FBXL7: variants seen among roughly 807,000 people sequenced by gnomAD.
The protein encoded by FBXL7 is F-box/LRR-repeat protein 7.
A neutral mutation model predicts 38.3 loss-of-function variants in FBXL7; 12 were observed. That is an observed-to-expected ratio of 0.31 (90% CI 0.20 to 0.51). The LOEUF is 0.51. Among genes scored for constraint, FBXL7 ranks in the 20% least tolerant of loss-of-function variants. The pLI, the probability that FBXL7 is intolerant of heterozygous loss-of-function variation, is 0.98. For synonymous variants in FBXL7, 297 were observed against 300.9 expected (o/e 0.99, Z 0.13); for missense variants, 567 against 676.4 (o/e 0.84, Z 1.79).
At chr5:15,627,787 T>TTTGACCTTA (rs1463463369) in intron 2 of FBXL7, among the ~76,000 whole-genome samples, 11 of 152,278 alleles carry the variant, frequency 7.2e-5, no homozygotes, top group Admixed American at 7.2e-4. Flanking sequence ...CCCTTTACAG[T>TTTGACCTTA]CACGGACACA....
At chr5:15,879,299 TCTC>T (rs1426890773) in intron 2 of FBXL7, among the ~76,000 whole-genome samples, 1 of 152,116 alleles carries the variant, frequency 6.6e-6, no homozygotes, top group African/African-American at 2.4e-5. Flanking sequence ...TCAGGTTTAA[TCTC>T]CTTCTTTCTA....
chr5:15,658,156 G>A (rs1270258285), intron 2 of FBXL7, among the ~76,000 whole-genome samples: 2 of 152,184 alleles, frequency 1.3e-5, no homozygotes, highest in African/African-American at 2.4e-5. Flanking sequence ...ACAGTGTCCT[G>A]TGGAACAAGA....
At chr5:15,676,861 G>T (rs1742671457) in intron 2 of FBXL7, among the ~76,000 whole-genome samples, 6 of 152,126 alleles carry the variant, frequency 3.9e-5, no homozygotes, top group Non-Finnish European at 2.9e-5. Context: ...AATCCTGACT[G>T]CAGTGGAAGC....
intron 2 of FBXL7, among the ~76,000 whole-genome samples, chr5:15,686,093 A>C (rs1402550208): frequency 6.6e-6 from 1 of 152,106 alleles, no homozygotes; most frequent in African/African-American, 2.4e-5. Context: ...GGGTCTATGC[A>C]CTTGATGTAC....
intron 2 of FBXL7, among the ~76,000 whole-genome samples, chr5:15,729,997 C>T (rs374278568): frequency 2.6e-5 from 4 of 152,198 alleles, no homozygotes; most frequent in African/African-American, 9.6e-5. Flanking sequence ...GAATAAAAGC[C>T]GAGTTCCCAT....
chr5:15,585,948 T>C (rs868640717), intron 1 of FBXL7, among the ~76,000 whole-genome samples: 1 of 152,158 alleles, frequency 6.6e-6, no homozygotes, highest in African/African-American at 2.4e-5. Flanking sequence ...TTAAAGTAGA[T>C]GATGTAAAAA....
intron 3 of FBXL7, among the ~76,000 whole-genome samples, chr5:15,932,422 G>A (rs1742060846): frequency 6.6e-6 from 1 of 152,154 alleles, no homozygotes; most frequent in South Asian, 2.1e-4. Context: ...AGAGGAAGTG[G>A]TAATAAAGAG....
intron 2 of FBXL7, among the ~76,000 whole-genome samples, chr5:15,905,997 C>T (rs1195251989): frequency 2.0e-5 from 3 of 151,674 alleles, no homozygotes; most frequent in Non-Finnish European, 2.9e-5. Context: ...AAAATATCAA[C>T]GTAAATGATG....
chr5:15,581,043 C>T (rs1471184372), intron 1 of FBXL7, among the ~76,000 whole-genome samples: 1 of 152,158 alleles, frequency 6.6e-6, no homozygotes, highest in Admixed American at 6.5e-5. Flanking sequence ...GCGGAGCCCA[C>T]TTGCTTCCTT....
intron 1 of FBXL7, among the ~76,000 whole-genome samples, chr5:15,525,225 A>G (rs760561596): frequency 2.6e-5 from 4 of 152,210 alleles, no homozygotes; most frequent in Non-Finnish European, 5.9e-5. Flanking sequence ...AGTGTTAACA[A>G]TTCTTTATTT....
At position 15,912,296 on chromosome 5, in the gene FBXL7, G is replaced by A. The variant is rs1240696312; in HGVS notation, c.128-15594G>A. ...GGGAGTGACCCGATTTTCCAGGTGC[G>A]TCCGTCACCCCTTTCTTTGACTCGG... On this transcript the variant is annotated intron_variant, in intron 2 of 3. Transcript: ENST00000504595. Among the ~76,000 whole-genome samples the A allele has an allele frequency of 7.8e-5, 9 of 114,956 alleles. No homozygotes were observed. In the East Asian group the frequency reaches 1.0e-3, roughly 13 times the overall value. 75.4% of individuals were successfully genotyped at this position (114,956 alleles called of 152,430 possible).
intron 2 of FBXL7, among the ~76,000 whole-genome samples, chr5:15,631,815 A>G (rs1389015118): frequency 6.6e-6 from 1 of 152,004 alleles, no homozygotes; most frequent in Non-Finnish European, 1.5e-5. Context: ...GGGGAGAGAA[A>G]ACTTTATAAC....
intron 2 of FBXL7, among the ~76,000 whole-genome samples, chr5:15,621,289 G>T (rs1740632651): frequency 6.6e-6 from 1 of 152,204 alleles, no homozygotes; most frequent in South Asian, 2.1e-4. Context: ...CACTGTAGGG[G>T]GGGTTGGGTT....
At chr5:15,541,264 T>C (rs1453179456) in intron 1 of FBXL7, among the ~76,000 whole-genome samples, 1 of 151,534 alleles carries the variant, frequency 6.6e-6, no homozygotes, top group Non-Finnish European at 1.5e-5. Flanking sequence ...ATGGAGTTTA[T>C]TTTTTCTCCT....
chr5:15,899,940 T>G (rs569707240), intron 2 of FBXL7, among the ~76,000 whole-genome samples: 18 of 152,250 alleles, frequency 1.2e-4, no homozygotes, highest in East Asian at 1.2e-3. Flanking sequence ...ATGCAGAAAT[T>G]TGTCCCTGGT....
chr5:15,538,033 A>T (rs895928379), intron 1 of FBXL7, among the ~76,000 whole-genome samples: 3 of 152,228 alleles, frequency 2.0e-5, no homozygotes, highest in East Asian at 3.9e-4. Flanking sequence ...CCCAGGTTTC[A>T]TCAGTACCAG....
chr5:15,740,150 C>A (rs1579423660), intron 2 of FBXL7, among the ~76,000 whole-genome samples: 1 of 152,246 alleles, frequency 6.6e-6, no homozygotes, highest in South Asian at 2.1e-4. Flanking sequence ...GGGAAGAATA[C>A]CCCATAACTG....
chr5:15,766,500 C>T (rs1736596110), intron 2 of FBXL7, among the ~76,000 whole-genome samples: 1 of 152,204 alleles, frequency 6.6e-6, no homozygotes, highest in African/African-American at 2.4e-5. Context: ...TGAGCTTCAT[C>T]ACCACAAGGC....
intron 2 of FBXL7, among the ~76,000 whole-genome samples, chr5:15,743,196 A>G (rs921881792): frequency 6.6e-6 from 1 of 152,170 alleles, no homozygotes; most frequent in Non-Finnish European, 1.5e-5. Context: ...AACTCATTCC[A>G]GTATTAACTC....
Sources: gnomAD v4.1 joint callset for allele counts (sites outside exome capture counted in the v4.1 genomes callset) on GRCh38, gnomAD v4.1.1 for gene constraint, MANE v1.5 for transcripts, NCBI Gene and HGNC (gene_info 2026-07-23, HGNC 2026-07-21) for gene names.